The following LMNTD1 variants were observed in gnomAD, a reference collection of about 807,000 sequenced individuals.
The protein encoded by LMNTD1 is lamin tail domain-containing protein 1.
In LMNTD1, 35 loss-of-function variants were observed where a neutral mutation model predicts 50.9. That is an observed-to-expected ratio of 0.69 (90% confidence interval 0.53 to 0.91). The LOEUF (loss-of-function observed/expected upper bound fraction) is 0.91. Ranked by LOEUF, LMNTD1 falls within the 40% of genes least tolerant of loss-of-function variation. The pLI is 0.00. For missense variants in LMNTD1, 470 were observed against 475.5 expected, an observed-to-expected ratio of 0.99 and a Z score of 0.11; for synonymous variants, 153 against 161.9, an observed-to-expected ratio of 0.94 and a Z score of 0.42.
intron 1 of LMNTD1, among the ~76,000 whole-genome samples, chr12:25,589,583 A>G (rs145748685): frequency 1.8e-3 from 274 of 152,312 alleles, no homozygotes; most frequent in African/African-American, 5.6e-3. Flanking sequence ...TTTAAATTAC[A>G]TATACTTTAT....
intron 1 of LMNTD1, among the ~76,000 whole-genome samples, chr12:25,646,577 C>T (rs1463925475): frequency 6.6e-6 from 1 of 152,064 alleles, no homozygotes; most frequent in Admixed American, 6.6e-5. Context: ...TGTGTGTTAA[C>T]CCAAAGTCCC....
At chr12:25,621,047 C>A (rs1481740905) in intron 1 of LMNTD1, among the ~76,000 whole-genome samples, 2 of 152,172 alleles carry the variant, frequency 1.3e-5, no homozygotes, top group Non-Finnish European at 2.9e-5. Context: ...TAACTACTGT[C>A]CTTATCTGCT....
chr12:25,579,285 A>C (rs1191584657), intron 1 of LMNTD1, among the ~76,000 whole-genome samples: 1 of 152,178 alleles, frequency 6.6e-6, no homozygotes, highest in African/African-American at 2.4e-5. Context: ...TTTTCTTACT[A>C]TTATTACCTA....
intron 1 of LMNTD1, among the ~76,000 whole-genome samples, chr12:25,638,459 C>T (rs938286767): frequency 1.3e-5 from 2 of 151,768 alleles, no homozygotes; most frequent in African/African-American, 4.8e-5. Context: ...TTACTAAAAG[C>T]CTATTAGAAT....
At position 25,503,798 on chromosome 12, in the gene LMNTD1, A is replaced by G. The variant is rs1014558416; in HGVS notation, c.1192T>C (p.Ser398Pro). The G allele has an allele frequency of 6.4e-7, 1 of 1,567,604 alleles. No individual in the cohort carries two copies. The highest frequency in any genetic ancestry group is 8.7e-7 in the Non-Finnish European group (1 of 1,148,904). ...RSTRPNRASG[S>P]KKKKTSESQK... is the part of the protein sequence containing the mutation. ...GACTCAGATGTCTTCTTTTTCTTAG[A>G]CCCTGAAAATTAAAAAAAATAATTA... Residue 398 changes from serine (S) to proline (P), a missense_variant and splice_region_variant, in exon 9 of 10, where the codon TCT (serine) becomes CCT (proline). By Grantham distance (74) the Ser-to-Pro change is moderately conservative. Transcript: ENST00000458174.
chr12:25,646,043 TA>T (rs569596369), intron 1 of LMNTD1, among the ~76,000 whole-genome samples: 1 of 152,270 alleles, frequency 6.6e-6, no homozygotes, highest in South Asian at 2.1e-4. Flanking sequence ...TTGTATCTAA[TA>T]ATTCTGATGA....
At chr12:25,607,721 T>C (rs953864466) in intron 1 of LMNTD1, among the ~76,000 whole-genome samples, 3 of 152,246 alleles carry the variant, frequency 2.0e-5, no homozygotes, top group African/African-American at 7.2e-5. Context: ...ATTTCTGTTC[T>C]TTTACATTGG....
intron 1 of LMNTD1, among the ~76,000 whole-genome samples, chr12:25,627,574 A>C (rs960952446): frequency 1.3e-5 from 2 of 152,190 alleles, no homozygotes; most frequent in Non-Finnish European, 2.9e-5. Context: ...TTTGGGAGAG[A>C]GATCCTCACA....
chr12:25,546,565 G>C lies in LMNTD1; in HGVS notation c.311-11C>G. The C allele has an allele frequency of 6.7e-7, 1 of 1,488,770 alleles. No individual in the cohort carries two copies. The highest frequency in any genetic ancestry group is 9.0e-7 in the Non-Finnish European group (1 of 1,112,766). The allele number at this position is 1,488,770 out of a possible 1,614,324, so 92.2% of individuals were successfully genotyped here. Reference sequence around the variant, plus strand: ...AGAAGGGGCTGGCATCTTTCAAGTAGACAGAAGAAAGAAGTAACCAGGAAA... The same window carrying C: ...AGAAGGGGCTGGCATCTTTCAAGTACACAGAAGAAAGAAGTAACCAGGAAA... On this transcript the variant is annotated splice_polypyrimidine_tract_variant and intron_variant, in intron 3 of 9. Transcript: ENST00000458174.
In LMNTD1 at chr12:25,623,332, T is replaced by G. The variant is rs933382321; in HGVS notation, c.58+25162A>C. On this transcript the variant is annotated intron_variant, in intron 1 of 7. Coordinates refer to the LMNTD1 transcript ENST00000445693. ...TAGGAGGCCAAAGTGAGTGGATCACTTGAGGTCAGGAGTTCGAGACCAGCC... is the reference window on the plus strand; with the variant it reads ...TAGGAGGCCAAAGTGAGTGGATCACGTGAGGTCAGGAGTTCGAGACCAGCC... Among the ~76,000 whole-genome samples the G allele has an allele frequency of 2.6e-5, 4 of 151,702 alleles. No homozygotes were observed. The South Asian group carries it at 8.4e-4, about 32-fold the overall frequency.
chr12:25,486,521 G>T (rs1938647389), intron 9 of LMNTD1, among the ~76,000 whole-genome samples: 1 of 129,374 alleles, frequency 7.7e-6, no homozygotes, highest in Admixed American at 8.6e-5. Flanking sequence ...AATTGCCCTG[G>T]CCAGAACTTC....
At chr12:25,634,623 C>T (rs1487216243) in intron 1 of LMNTD1, among the ~76,000 whole-genome samples, 4 of 151,790 alleles carry the variant, frequency 2.6e-5, no homozygotes, top group African/African-American at 9.7e-5. Flanking sequence ...TTCGACAAAA[C>T]TCTCAGCAAA....
chr12:25,588,361 C>T (rs1256459379), intron 1 of LMNTD1, among the ~76,000 whole-genome samples: 3 of 152,026 alleles, frequency 2.0e-5, no homozygotes, highest in African/African-American at 7.2e-5. Flanking sequence ...CAGATAATCC[C>T]ATGTAAATCT....
intron 1 of LMNTD1, among the ~76,000 whole-genome samples, chr12:25,643,868 T>C (rs1009063324): frequency 1.3e-5 from 2 of 152,158 alleles, no homozygotes; most frequent in Admixed American, 6.5e-5. Flanking sequence ...GAATGGCAAA[T>C]GGCACATAGC....
Position 25,526,853 on chromosome 12 carries a change from A to G in LMNTD1, c.594T>C (p.Ile198=). The part of the protein sequence containing the change: ...LDKEMAIGDH[I]LQQNVNGQTI... ...TTTGTCCATTCACATTTTGCTGGAG[A>G]ATATGATCTCCAATTGCCATTTCTT... The change falls in exon 5 of 10, where the codon ATT becomes ATC. Residue 198 remains isoleucine, a synonymous_variant. Coordinates refer to ENST00000458174, the MANE Select transcript of LMNTD1 (RefSeq NM_001145728.2). 5 of 1,613,486 alleles carry G rather than the reference A, an allele frequency of 3.1e-6. No individual in the cohort carries two copies. Among genetic ancestry groups the G allele is most frequent in the Non-Finnish European group, 4.2e-6 (5 of 1,179,544 alleles).
At chr12:25,596,053 C>T (rs1592086567) in intron 1 of LMNTD1, among the ~76,000 whole-genome samples, 1 of 151,942 alleles carries the variant, frequency 6.6e-6, no homozygotes, top group Non-Finnish European at 1.5e-5. Context: ...GAATTAGATA[C>T]CCTGAACAGA....
At chr12:25,561,735 G>A (rs1423532547) in intron 1 of LMNTD1, among the ~76,000 whole-genome samples, 3 of 152,156 alleles carry the variant, frequency 2.0e-5, no homozygotes, top group African/African-American at 7.2e-5. Context: ...AATGTTGGCA[G>A]TGGGGTGTTA....
rs140826991 is a variant in LMNTD1 at position 25,560,991 on chromosome 12, G to A, written c.59-14437C>T. On this transcript the variant is annotated intron_variant, in intron 1 of 7. Coordinates refer to the LMNTD1 transcript ENST00000445693. ...TGTCATCTGCAAACAGGGACAATTT[G>A]ACTTTCTCTTTTCCTAATTGAATAC... Among the ~76,000 whole-genome samples the A allele has an allele frequency of 6.5e-3, 992 of 152,292 alleles. 7 individuals are homozygous for A. Among genetic ancestry groups the A allele is most frequent in the African/African-American group, 0.023 (960 of 41,572 alleles).
At chr12:25,545,247 C>T (rs1237862218) in intron 4 of LMNTD1, among the ~76,000 whole-genome samples, 1 of 151,602 alleles carries the variant, frequency 6.6e-6, no homozygotes, top group East Asian at 1.9e-4. Context: ...TCTTGGATAG[C>T]AGGGTTTTAA....
Sources: allele counts gnomAD v4.1 joint callset (sites outside exome capture counted in the v4.1 genomes callset), GRCh38; gene constraint gnomAD v4.1.1; transcripts MANE v1.5; gene names NCBI Gene and HGNC (gene_info 2026-07-23, HGNC 2026-07-21).